TUBD1: variants seen among roughly 807,000 people sequenced by gnomAD.
TUBD1 encodes tubulin delta 1, also known as tubulin delta chain.
TUBD1 carries 38 observed loss-of-function variants against 51.2 expected under a neutral mutation model. The observed-to-expected ratio is 0.74, with a 90% CI of 0.57 to 0.97. The LOEUF (loss-of-function observed/expected upper bound fraction) is 0.97, where lower values mean the gene tolerates loss of function less well. Ranked by LOEUF, TUBD1 falls within the 50% of genes least tolerant of loss-of-function variation. TUBD1 has a pLI of 0.00. For synonymous variants in TUBD1, 169 were observed against 178.2 expected, an observed-to-expected ratio of 0.95 and a Z score of 0.41; for missense variants, 489 against 538.4, an observed-to-expected ratio of 0.91 and a Z score of 0.91.
At chr17:59,890,713 A>G (rs1209339425) in intron 2 of TUBD1, 118 bp downstream of exon 2, 1 of 868,742 alleles carries the variant, frequency 1.2e-6, no homozygotes, top group Non-Finnish European at 1.7e-6. Flanking sequence ...GAAAAGCAAA[A>G]ACAAAGTAAT....
intron 6 of TUBD1, among the ~76,000 whole-genome samples, chr17:59,870,104 T>C (rs2039908547): frequency 6.6e-6 from 1 of 152,094 alleles, no homozygotes; most frequent in Non-Finnish European, 1.5e-5. Flanking sequence ...CTTATATCTG[T>C]AATCCCAGCA....
intron 6 of TUBD1, among the ~76,000 whole-genome samples, chr17:59,867,157 G>C (rs764967577): frequency 2.7e-5 from 4 of 150,150 alleles, no homozygotes; most frequent in Non-Finnish European, 4.4e-5. Context: ...TGTGGTATGT[G>C]TATTTTAGGT....
At chr17:59,892,321 C>T (rs2144607110) in intron 1 of TUBD1, among the ~76,000 whole-genome samples, 1 of 152,330 alleles carries the variant, frequency 6.6e-6, no homozygotes, top group South Asian at 2.1e-4. Context: ...GCGGGAGGAT[C>T]ACCTGAGCCC....
chr17:59,873,693 T>C (rs1375752573), intron 6 of TUBD1, among the ~76,000 whole-genome samples: 1 of 151,382 alleles, frequency 6.6e-6, no homozygotes, highest in East Asian at 2.0e-4. Flanking sequence ...TGAAACCTCA[T>C]CTCTACTAAA....
intron 3 of TUBD1, among the ~76,000 whole-genome samples, chr17:59,881,769 A>G (rs1055868144): frequency 6.6e-6 from 1 of 151,986 alleles, no homozygotes; most frequent in Non-Finnish European, 1.5e-5. Context: ...TCCCGGGTTC[A>G]AGAGATTCTC....
intron 1 of TUBD1, among the ~76,000 whole-genome samples, chr17:59,891,650 C>CA (rs1434427271): frequency 6.6e-6 from 1 of 152,036 alleles, no homozygotes; most frequent in African/African-American, 2.4e-5. Context: ...TAAAACAAAA[C>CA]ATTCTCCTCA....
chr17:59,869,665 A>G (rs1311978481), intron 6 of TUBD1, among the ~76,000 whole-genome samples: 1 of 152,112 alleles, frequency 6.6e-6, no homozygotes, highest in Non-Finnish European at 1.5e-5. Context: ...TGGCCAAAAA[A>G]TTCAGGAAGC....
At chr17:59,869,301 C>A (rs1009737982) in intron 6 of TUBD1, among the ~76,000 whole-genome samples, 7 of 151,506 alleles carry the variant, frequency 4.6e-5, no homozygotes, top group African/African-American at 1.7e-4. Flanking sequence ...TGGTGAAACC[C>A]CGTCTCTACT....
intron 3 of TUBD1, among the ~76,000 whole-genome samples, chr17:59,883,869 G>C (rs1348014395): frequency 9.9e-5 from 15 of 152,116 alleles, no homozygotes; most frequent in Non-Finnish European, 2.2e-4. Context: ...GTAGGTACCA[G>C]GTAGTTCTAC....
At chr17:59,886,386 C>T (rs1385173750) in intron 2 of TUBD1, 156 bp from the exon 3 acceptor site, 6 of 717,740 alleles carry the variant, frequency 8.4e-6, no homozygotes, top group South Asian at 4.3e-5. Context: ...TTAGAAATCT[C>T]AGTGGGCAGC....
At chr17:59,875,497 C>T (rs750378570) in intron 5 of TUBD1, among the ~76,000 whole-genome samples, 1 of 151,556 alleles carries the variant, frequency 6.6e-6, no homozygotes, top group Non-Finnish European at 1.5e-5. Context: ...GCCTGTAATC[C>T]CAGCACTTTC....
rs949113177 is a variant in TUBD1 at position 59,868,823 on chromosome 17, G to A, written c.935-2074C>T. On this transcript the variant is annotated intron_variant, in intron 6 of 8. Coordinates refer to ENST00000325752, the MANE Select transcript of TUBD1 (RefSeq NM_016261.4). ...CTGCACTCCAGCCTGGCGACGGAGC[G>A]AGACTCCATCTCAAAAAATAAATAA... Among the ~76,000 whole-genome samples the A allele has an allele frequency of 6.0e-4, 91 of 150,860 alleles. 1 individual carries two copies. Among genetic ancestry groups the A allele is most frequent in the African/African-American group, 2.0e-3 (82 of 41,176 alleles).
Position 59,878,160 on chromosome 17 carries a change from C to G in TUBD1, c.712G>C (p.Val238Leu), listed in dbSNP as rs149196862. The G allele has an allele frequency of 2.5e-6, 4 of 1,614,038 alleles. No homozygotes were observed. In the African/African-American group the frequency reaches 5.3e-5, roughly 22 times the overall value. ...TCTGCAGAATAAGTAGGCTGGAACA[C>G]ACTTCCCAGCTGATGTGCGAGGACT... Reference protein sequence around the residue: ...NQVLAHQLGSVFQPTYSAESS... With the variant: ...NQVLAHQLGSLFQPTYSAESS... Residue 238 changes from valine to leucine, a missense_variant, in exon 5 of 9, where the codon GTG becomes CTG. Physicochemically the swap from Val to Leu is conservative, Grantham distance 32 (BLOSUM62 1). Transcript: ENST00000325752.
At chr17:59,882,620 T>C (rs1206914793) in intron 3 of TUBD1, among the ~76,000 whole-genome samples, 2 of 151,798 alleles carry the variant, frequency 1.3e-5, no homozygotes, top group South Asian at 2.1e-4. Context: ...CTTTTTGAGT[T>C]AGGGTCTTAC....
intron 8 of TUBD1, among the ~76,000 whole-genome samples, chr17:59,862,638 C>CA (rs2039505658): frequency 6.7e-6 from 1 of 149,782 alleles, no homozygotes; most frequent in Non-Finnish European, 1.5e-5. Context: ...CTCCTGGGTT[C>CA]AAGTGATTCT....
Position 59,880,897 on chromosome 17 carries a change from A to AC in TUBD1, c.533dup (p.Glu179Ter). On this transcript the variant is annotated frameshift_variant, in exon 4 of 9. Coordinates refer to ENST00000325752, the MANE Select transcript of TUBD1 (RefSeq NM_016261.4). LOFTEE classifies it high-confidence loss of function. Reference sequence around the variant, plus strand: ...TTTTCAATTAACATGTCCATACCTCACCAGTTCCATAAGGCCAAATAATCT... The same window carrying AC: ...TTTTCAATTAACATGTCCATACCTCACCCAGTTCCATAAGGCCAAATAATCT... 6.2e-7 allele frequency: 1 copy of AC among 1,612,484 alleles called. No homozygotes were observed. The highest frequency in any genetic ancestry group is 8.5e-7 in the Non-Finnish European group (1 of 1,178,552).
In TUBD1 at chr17:59,869,487, A is replaced by G. The variant is rs539153729; in HGVS notation, c.935-2738T>C. ...AAGATTCTGTCCCCCCCGCCAAAAA[A>G]AAAAAAGAAAAAAGAAAAAATGTTG... On this transcript the variant is annotated intron_variant, in intron 6 of 8. Coordinates refer to ENST00000325752, the MANE Select transcript of TUBD1 (RefSeq NM_016261.4). 1.7e-3 allele frequency among the ~76,000 whole-genome samples: 256 copies of G among 152,038 alleles called. 4 individuals are homozygous for G. The highest frequency in any genetic ancestry group is 4.1e-3 in the South Asian group (20 of 4,822).
rs1473060651 is a variant in TUBD1 at position 59,871,313 on chromosome 17, C to T, written c.934+3226G>A. The stretch of plus-strand genomic sequence containing the variant: ...CTCCCAAGTTCAAGCAATTCTCCTG[C>T]CTTAGCCTCCTGAGTAGCTGGGACT... On this transcript the variant is annotated intron_variant, in intron 6 of 8. Transcript: ENST00000325752. 2.0e-5 allele frequency among the ~76,000 whole-genome samples: 3 copies of T among 152,098 alleles called. No homozygotes were observed. In the South Asian group the frequency reaches 6.2e-4, roughly 31 times the overall value.
At position 59,890,843 on chromosome 17, in the gene TUBD1, C is replaced by G; in HGVS notation, c.160G>C (p.Glu54Gln). 2 of 1,612,046 alleles carry G rather than the reference C, an allele frequency of 1.2e-6. No individual in the cohort carries two copies. The highest frequency in any genetic ancestry group is 1.7e-6 in the Non-Finnish European group (2 of 1,179,016). Residue 54 changes from glutamate (E) to glutamine (Q), a missense_variant, in exon 2 of 9, where the codon GAG (glutamate) becomes CAG (glutamine). Glu to Gln is a conservative substitution (Grantham distance 29). Coordinates refer to ENST00000325752, the MANE Select transcript of TUBD1 (RefSeq NM_016261.4). The stretch of plus-strand genomic sequence containing the variant: ...GGGCCACACCTACCTCCATTCTCCT[C>G]CTCACTGAAGAATCTTTCTTTGCAA... Reference protein sequence around the residue: ...ASCKERFFSEEENGVPIARAV... With the variant: ...ASCKERFFSEQENGVPIARAV...
Sources: gnomAD v4.1 joint callset for allele counts (sites outside exome capture counted in the v4.1 genomes callset) on GRCh38, gnomAD v4.1.1 for gene constraint, MANE v1.5 for transcripts, NCBI Gene and HGNC (gene_info 2026-07-23, HGNC 2026-07-21) for gene names.